Variants in SYT16 observed in about 807,000 individuals in gnomAD.
SYT16 encodes the protein synaptotagmin 16.
In SYT16, 42 loss-of-function variants were observed where a neutral mutation model predicts 61.4. The ratio of observed to expected loss-of-function variants is 0.68; its 90% CI spans 0.53 to 0.89. The LOEUF is 0.89. SYT16 is among the 40% of genes least tolerant of loss of function. The pLI, the probability that SYT16 is intolerant of heterozygous loss-of-function variation, is 0.00. For missense variants in SYT16, 804 were observed against 807.3 expected, an observed-to-expected ratio of 1.00 and a Z score of 0.05; for synonymous variants, 314 against 302.3, an observed-to-expected ratio of 1.04 and a Z score of -0.40.
At chr14:62,039,885 A>G (rs937627938) in intron 3 of SYT16, among the ~76,000 whole-genome samples, 5 of 143,862 alleles carry the variant, frequency 3.5e-5, no homozygotes, top group Admixed American at 2.1e-4. Context: ...ACACGCACAT[A>G]CACACTAGAT....
At chr14:62,045,750 G>C (rs1489485573) in intron 3 of SYT16, among the ~76,000 whole-genome samples, 3 of 151,982 alleles carry the variant, frequency 2.0e-5, no homozygotes, top group South Asian at 2.1e-4. Flanking sequence ...ATGGTTTCCA[G>C]CTTCATCCAT....
intron 1 of SYT16, among the ~76,000 whole-genome samples, chr14:61,920,112 T>C (rs1487953797): frequency 2.0e-5 from 3 of 152,172 alleles, no homozygotes; most frequent in African/African-American, 7.2e-5. Flanking sequence ...CTGATGCTGG[T>C]CCTTTGGCCT....
At chr14:61,866,866 T>C (rs1033047873) in intron 1 of SYT16, among the ~76,000 whole-genome samples, 1 of 152,084 alleles carries the variant, frequency 6.6e-6, no homozygotes, top group African/African-American at 2.4e-5. Context: ...CCAATGTTTT[T>C]TCCTAGAAGT....
At chr14:62,016,192 A>C (rs1267490450) in intron 3 of SYT16, among the ~76,000 whole-genome samples, 1 of 152,196 alleles carries the variant, frequency 6.6e-6, no homozygotes, top group Non-Finnish European at 1.5e-5. Flanking sequence ...CAGCTATGGA[A>C]ATGAAGTCAT....
intron 2 of SYT16, among the ~76,000 whole-genome samples, chr14:61,988,163 A>G (rs1449994411): frequency 6.6e-6 from 1 of 152,176 alleles, no homozygotes; most frequent in Non-Finnish European, 1.5e-5. Flanking sequence ...CTTTTGGAAA[A>G]GGTCTGTAGT....
At chr14:62,066,222 A>C (rs1017672069) in intron 3 of SYT16, among the ~76,000 whole-genome samples, 2 of 152,212 alleles carry the variant, frequency 1.3e-5, no homozygotes, top group African/African-American at 2.4e-5. Flanking sequence ...AGTTAATGTG[A>C]GTACACAGAG....
intron 3 of SYT16, among the ~76,000 whole-genome samples, chr14:62,039,772 C>G (rs2054643143): frequency 6.6e-6 from 1 of 150,974 alleles, no homozygotes; most frequent in Admixed American, 6.6e-5. Flanking sequence ...TTGCACTTCA[C>G]CACTATATGA....
At chr14:62,030,399 G>A (rs1373133083) in intron 3 of SYT16, among the ~76,000 whole-genome samples, 2 of 152,180 alleles carry the variant, frequency 1.3e-5, no homozygotes, top group Non-Finnish European at 2.9e-5. Flanking sequence ...TTATGCGATG[G>A]ATCCTCTGTG....
At chr14:62,018,298 C>CTTTTTTTTTTTTTTTTTTTTTT (rs776473522) in intron 3 of SYT16, among the ~76,000 whole-genome samples, 2 of 51,622 alleles carry the variant, frequency 3.9e-5, no homozygotes, top group African/African-American at 8.4e-5. Flanking sequence ...TCTTCTTCTT[C>CTTTTTTTTTTTTTTTTTTTTTT]TTTTTTTTTT....
chr14:62,069,243 A>G (rs1351630432), intron 3 of SYT16, among the ~76,000 whole-genome samples: 2 of 152,254 alleles, frequency 1.3e-5, no homozygotes, highest in Non-Finnish European at 2.9e-5. Context: ...AGAACTGCAT[A>G]TAAGGCAAAT....
chr14:61,986,951 A>T (rs1174240762), intron 2 of SYT16, among the ~76,000 whole-genome samples: 1 of 152,062 alleles, frequency 6.6e-6, no homozygotes, highest in African/African-American at 2.4e-5. Context: ...CAATTAACCT[A>T]CTCTGTGATC....
At chr14:62,031,302 C>T (rs917768715) in intron 3 of SYT16, among the ~76,000 whole-genome samples, 8 of 152,112 alleles carry the variant, frequency 5.3e-5, no homozygotes, top group South Asian at 2.1e-4. Context: ...TGAGCTAAAC[C>T]GCATTAATTT....
chr14:61,985,060 A>T (rs2052244127), intron 2 of SYT16, among the ~76,000 whole-genome samples: 1 of 152,174 alleles, frequency 6.6e-6, no homozygotes, highest in Non-Finnish European at 1.5e-5. Context: ...AGAGGATCTG[A>T]TTATTAATGT....
chr14:61,894,474 T>G (rs1351546307), intron 1 of SYT16, among the ~76,000 whole-genome samples: 3 of 151,734 alleles, frequency 2.0e-5, no homozygotes, highest in African/African-American at 7.3e-5. Context: ...CAATGAGAGG[T>G]GATAAAGACA....
chr14:61,989,931 C>A (rs960763041), intron 2 of SYT16, among the ~76,000 whole-genome samples: 1 of 152,200 alleles, frequency 6.6e-6, no homozygotes, highest in African/African-American at 2.4e-5. Context: ...CCGGCAGTGA[C>A]AATATGGCTG....
intron 3 of SYT16, among the ~76,000 whole-genome samples, chr14:62,028,491 CTG>C (rs1466853956): frequency 2.0e-5 from 3 of 152,166 alleles, no homozygotes; most frequent in African/African-American, 7.2e-5. Context: ...TATAGGCAGC[CTG>C]TCTCTTAACC....
intron 7 of SYT16, among the ~76,000 whole-genome samples, chr14:62,091,056 G>A (rs1443423211): frequency 1.3e-5 from 2 of 152,120 alleles, no homozygotes; most frequent in Non-Finnish European, 2.9e-5. Context: ...TTCAAGATGA[G>A]ATTTGGCTGG....
Position 62,064,334 on chromosome 14 carries a change from GAAAAAA to G in SYT16, c.524-5250_524-5245del, listed in dbSNP as rs781727444. ...TAGACAAGAGCCAAACTTTAAATTTGAAAAAAAAAAAAAAAAAAAAAAAAGAAAACA... is the reference window on the plus strand; with the variant it reads ...TAGACAAGAGCCAAACTTTAAATTTGAAAAAAAAAAAAAAAAAAGAAAACA... On this transcript the variant is annotated intron_variant, in intron 3 of 7. Coordinates refer to ENST00000683842, the MANE Select transcript of SYT16 (RefSeq NM_001367656.1). Among the ~76,000 whole-genome samples, 260 of 42,996 alleles carry G rather than the reference GAAAAAA, an allele frequency of 6.0e-3. 1 individual carries two copies. The highest frequency in any genetic ancestry group is 0.02 in the African/African-American group (247 of 12,082). The allele number at this position is 42,996 out of a possible 152,430, so 28.2% of individuals were successfully genotyped here.
chr14:61,923,970 C>T (rs984603464), intron 1 of SYT16, among the ~76,000 whole-genome samples: 1 of 151,808 alleles, frequency 6.6e-6, no homozygotes, highest in African/African-American at 2.4e-5. Flanking sequence ...GAATAGTTTC[C>T]CTTAAAAGGT....
Sources: gnomAD v4.1 joint callset for allele counts (sites outside exome capture counted in the v4.1 genomes callset) on GRCh38, gnomAD v4.1.1 for gene constraint, MANE v1.5 for transcripts, NCBI Gene and HGNC (gene_info 2026-07-23, HGNC 2026-07-21) for gene names.